Variants in SLC24A3 observed in about 807,000 individuals in gnomAD.
The protein encoded by SLC24A3 is solute carrier family 24 member 3.
In SLC24A3, 28 loss-of-function variants were observed where a neutral mutation model predicts 75.8. The observed-to-expected ratio is 0.37, with a 90% confidence interval of 0.27 to 0.51. SLC24A3 has a LOEUF of 0.51. SLC24A3 is among the 20% of genes least tolerant of loss of function. The probability of loss-of-function intolerance (pLI) is 0.94; values close to 1 mark genes in which losing one functional copy is unlikely to be tolerated. For synonymous variants in SLC24A3, 372 were observed against 334.1 expected, an observed-to-expected ratio of 1.11 and a Z score of -1.24; for missense variants, 663 against 847.8, an observed-to-expected ratio of 0.78 and a Z score of 2.71.
chr20:19,673,555 C>T, intron 8 of SLC24A3, 46 bp from the exon 9 acceptor site: 2 of 1,564,504 alleles, frequency 1.3e-6, no homozygotes, highest in African/African-American at 2.7e-5. Flanking sequence ...AGGTGAGTTT[C>T]ACAGATGTCC....
At chr20:19,427,108 C>T (rs952998394) in intron 2 of SLC24A3, among the ~76,000 whole-genome samples, 1 of 151,918 alleles carries the variant, frequency 6.6e-6, no homozygotes, top group Non-Finnish European at 1.5e-5. Context: ...CATGTGTATG[C>T]ATATGTGTGC....
At chr20:19,301,322 G>A (rs1022574198) in intron 2 of SLC24A3, among the ~76,000 whole-genome samples, 1 of 152,182 alleles carries the variant, frequency 6.6e-6, no homozygotes, top group Non-Finnish European at 1.5e-5. Context: ...GGACAGGCTG[G>A]AGCAGGACAC....
chr20:19,688,055 G>A (rs1361696849), intron 12 of SLC24A3, among the ~76,000 whole-genome samples: 1 of 152,102 alleles, frequency 6.6e-6, no homozygotes, highest in Non-Finnish European at 1.5e-5. Flanking sequence ...CATCCCGTGG[G>A]GTCTCCATGT....
chr20:19,542,269 T>G (rs181930206), intron 3 of SLC24A3, among the ~76,000 whole-genome samples: 17 of 152,328 alleles, frequency 1.1e-4, no homozygotes, highest in Non-Finnish European at 2.4e-4. Context: ...TACTAGGTAT[T>G]GAAATTGTAT....
intron 15 of SLC24A3, among the ~76,000 whole-genome samples, chr20:19,714,540 G>A (rs1280678008): frequency 6.6e-6 from 1 of 152,092 alleles, no homozygotes; most frequent in Non-Finnish European, 1.5e-5. Context: ...ATTCCTGCCT[G>A]TCACATCCTG....
intron 2 of SLC24A3, among the ~76,000 whole-genome samples, chr20:19,303,849 C>A (rs1984258943): frequency 6.6e-6 from 1 of 152,168 alleles, no homozygotes. Flanking sequence ...CACCATTAGG[C>A]ATGAACAGCG....
intron 2 of SLC24A3, among the ~76,000 whole-genome samples, chr20:19,293,024 C>A (rs1287990527): frequency 6.6e-6 from 1 of 152,004 alleles, no homozygotes; most frequent in African/African-American, 2.4e-5. Flanking sequence ...GTCCTACCCC[C>A]TGCCTTGGGG....
chr20:19,711,645 T>C (rs1479627165), intron 15 of SLC24A3, among the ~76,000 whole-genome samples: 2 of 151,156 alleles, frequency 1.3e-5, no homozygotes, highest in African/African-American at 4.9e-5. Flanking sequence ...GATGCTTTTT[T>C]CTTTTTTTTT....
Position 19,511,273 on chromosome 20 carries a change from G to A in SLC24A3, c.272-4215G>A, listed in dbSNP as rs142635572. On this transcript the variant is annotated intron_variant, in intron 2 of 16. Transcript: ENST00000328041. The stretch of plus-strand genomic sequence containing the variant: ...CCCCAGCCTAAGGCATGGGCATTTG[G>A]AACCTATGAGGGAAGACTCACCTCT... Among the ~76,000 whole-genome samples the A allele has an allele frequency of 1.8e-3, 277 of 152,070 alleles. 2 individuals are homozygous for A. Among genetic ancestry groups the A allele is most frequent in the Middle Eastern group, 0.014 (4 of 292 alleles).
intron 2 of SLC24A3, among the ~76,000 whole-genome samples, chr20:19,424,841 A>AATAGAATAT (rs1986978302): frequency 6.6e-6 from 1 of 151,452 alleles, no homozygotes; most frequent in Non-Finnish European, 1.5e-5. Flanking sequence ...TATTCTATGG[A>AATAGAATAT]ATTGAACACT....
At chr20:19,480,470 C>T (rs902993957) in intron 2 of SLC24A3, among the ~76,000 whole-genome samples, 6 of 152,176 alleles carry the variant, frequency 3.9e-5, no homozygotes, top group East Asian at 1.9e-4. Flanking sequence ...TGCCTGAATT[C>T]GGGGTTAAAA....
intron 2 of SLC24A3, among the ~76,000 whole-genome samples, chr20:19,404,849 C>G (rs143706288): frequency 6.6e-6 from 1 of 152,190 alleles, no homozygotes; most frequent in Non-Finnish European, 1.5e-5. Context: ...AGTTCTTTCA[C>G]CTGGTGCCCA....
At chr20:19,682,254 C>T (rs1239167833) in intron 10 of SLC24A3, among the ~76,000 whole-genome samples, 1 of 149,842 alleles carries the variant, frequency 6.7e-6, no homozygotes, top group Non-Finnish European at 1.5e-5. Context: ...GACCCTATTT[C>T]AAAAAAAAAT....
At chr20:19,384,920 T>C (rs919098957) in intron 2 of SLC24A3, among the ~76,000 whole-genome samples, 3 of 152,214 alleles carry the variant, frequency 2.0e-5, no homozygotes, top group Non-Finnish European at 4.4e-5. Context: ...CTCTGATGAT[T>C]AGACATTTTT....
At chr20:19,554,791 T>C (rs1439996226) in intron 3 of SLC24A3, among the ~76,000 whole-genome samples, 2 of 152,054 alleles carry the variant, frequency 1.3e-5, no homozygotes, top group Non-Finnish European at 1.5e-5. Context: ...TCTAAATGCA[T>C]TGGATTGCAG....
chr20:19,592,793 CTTTCTTTTTT>C (rs1470421312), intron 6 of SLC24A3, among the ~76,000 whole-genome samples: 7 of 119,688 alleles, frequency 5.8e-5, no homozygotes, highest in Non-Finnish European at 1.2e-4. Context: ...TTCTTTCTTT[CTTTCTTTTTT>C]TTTTTTTTTT....
intron 3 of SLC24A3, among the ~76,000 whole-genome samples, chr20:19,529,496 T>C (rs2030256635): frequency 1.3e-5 from 2 of 152,078 alleles, no homozygotes; most frequent in African/African-American, 4.8e-5. Context: ...CTCCTCTCCA[T>C]CTCCACAAGC....
intron 8 of SLC24A3, among the ~76,000 whole-genome samples, chr20:19,669,586 A>G (rs1425512159): frequency 2.0e-5 from 3 of 152,182 alleles, no homozygotes; most frequent in Admixed American, 6.5e-5. Flanking sequence ...TGTTGTTGCC[A>G]GAAGGAATTC....
Position 19,665,860 on chromosome 20 carries a change from A to ATTTT in SLC24A3, c.688-4_688-3insTTTT. 1.9e-6 allele frequency: 3 copies of ATTTT among 1,599,320 alleles called. No individual in the cohort carries two copies. The highest frequency in any genetic ancestry group is 2.6e-6 in the Non-Finnish European group (3 of 1,173,390). ...AATCTTCTATTCTTTTTATTTTTTC[A>ATTTT]CAGTTTATTTATGATGAAAAAGTTT... On this transcript the variant is annotated splice_region_variant and splice_polypyrimidine_tract_variant and intron_variant, in intron 7 of 16. Coordinates refer to ENST00000328041, the MANE Select transcript of SLC24A3 (RefSeq NM_020689.4).
Sources: gnomAD v4.1 joint callset for allele counts (sites outside exome capture counted in the v4.1 genomes callset) on GRCh38, gnomAD v4.1.1 for gene constraint, MANE v1.5 for transcripts, NCBI Gene and HGNC (gene_info 2026-07-23, HGNC 2026-07-21) for gene names.